VAV3: variants seen among roughly 807,000 people sequenced by gnomAD.
VAV3 encodes vav guanine nucleotide exchange factor 3.
A neutral mutation model predicts 131.2 loss-of-function variants in VAV3; 94 were observed. That is an observed-to-expected ratio of 0.72 (90% CI 0.61 to 0.85). VAV3 has a LOEUF of 0.85. Ranked by LOEUF, VAV3 falls within the 40% of genes least tolerant of loss-of-function variation. VAV3 has a pLI of 0.00. For synonymous variants in VAV3, 349 were observed against 342.0 expected (o/e 1.02, Z -0.22); for missense variants, 939 against 1,002.7 (o/e 0.94, Z 0.86).
At chr1:107,875,191 C>G (rs778479629) in intron 1 of VAV3, among the ~76,000 whole-genome samples, 174 bp from the exon 2 acceptor site, 1 of 152,276 alleles carries the variant, frequency 6.6e-6, no homozygotes, top group Non-Finnish European at 1.5e-5. Flanking sequence ...CTCTCAGGCA[C>G]AGGTGATACA....
At chr1:107,729,933 G>C (rs1161647263) in intron 15 of VAV3, among the ~76,000 whole-genome samples, 6 of 152,190 alleles carry the variant, frequency 3.9e-5, no homozygotes, top group African/African-American at 1.4e-4. Flanking sequence ...TATTCAAAGA[G>C]CCAGCTGCTT....
chr1:107,747,123 G>A (rs1452925392), intron 15 of VAV3, among the ~76,000 whole-genome samples: 1 of 151,934 alleles, frequency 6.6e-6, no homozygotes, highest in Non-Finnish European at 1.5e-5. Context: ...CAGGTGAATT[G>A]CCCACCTCAG....
intron 17 of VAV3, among the ~76,000 whole-genome samples, chr1:107,703,048 A>G (rs1434304569): frequency 2.0e-5 from 3 of 152,136 alleles, no homozygotes; most frequent in African/African-American, 7.2e-5. Context: ...CTCCTACACT[A>G]TTTCCTTTAG....
At chr1:107,771,741 C>T (rs148654278) in intron 5 of VAV3, among the ~76,000 whole-genome samples, 95 of 152,350 alleles carry the variant, frequency 6.2e-4, no homozygotes, top group Non-Finnish European at 1.1e-3. Context: ...TCACTGTTCA[C>T]CCCATCAGCT....
chr1:107,774,901 A>G (rs1163177216), intron 4 of VAV3, among the ~76,000 whole-genome samples: 1 of 132,010 alleles, frequency 7.6e-6, no homozygotes, highest in African/African-American at 2.8e-5. Context: ...ATGTCTAGGG[A>G]TAATACATTT....
At chr1:107,855,896 T>C (rs1669445478) in intron 2 of VAV3, among the ~76,000 whole-genome samples, 1 of 152,202 alleles carries the variant, frequency 6.6e-6, no homozygotes, top group Non-Finnish European at 1.5e-5. Flanking sequence ...TGGAGAAAGC[T>C]GAGAGCACAG....
At chr1:107,861,689 TTGTCTAAGATGAATTATAAA>T (rs1441423683) in intron 2 of VAV3, among the ~76,000 whole-genome samples, 3 of 151,568 alleles carry the variant, frequency 2.0e-5, no homozygotes, top group Non-Finnish European at 4.4e-5. Context: ...ATTGATCATC[TTGTCTAAGATGAATTATAAA>T]TATGCAGCTA....
chr1:107,964,532 T>C, intron 1 of VAV3, 134 bp downstream of exon 1: 1 of 959,686 alleles, frequency 1.0e-6, no homozygotes, highest in Non-Finnish European at 1.5e-6. Context: ...GGTGCCGAAG[T>C]GGTCCCAAAG....
chr1:107,592,471 A>C (rs1252058184), intron 25 of VAV3, among the ~76,000 whole-genome samples: 1 of 152,154 alleles, frequency 6.6e-6, no homozygotes, highest in African/African-American at 2.4e-5. Flanking sequence ...TTATATAAAT[A>C]TAGTGATAGC....
intron 2 of VAV3, among the ~76,000 whole-genome samples, chr1:107,837,865 A>G (rs965379345): frequency 2.6e-5 from 4 of 152,062 alleles, no homozygotes; most frequent in African/African-American, 9.7e-5. Flanking sequence ...ACTCCTACCT[A>G]TCACCATATA....
At chr1:107,786,180 T>C (rs1281780447) in intron 2 of VAV3, among the ~76,000 whole-genome samples, 3 of 152,088 alleles carry the variant, frequency 2.0e-5, no homozygotes, top group Non-Finnish European at 4.4e-5. Flanking sequence ...TTCAAGAGAG[T>C]AGAGTATCTA....
At chr1:107,785,344 G>T in intron 2 of VAV3, 1 of 1,018,444 alleles carries the variant, frequency 9.8e-7, no homozygotes, top group Non-Finnish European at 1.3e-6. Context: ...TTATCTTCTT[G>T]AGTTCTCTAT....
chr1:107,824,825 A>C (rs1667944247), intron 2 of VAV3, among the ~76,000 whole-genome samples: 1 of 152,114 alleles, frequency 6.6e-6, no homozygotes, highest in Admixed American at 6.5e-5. Context: ...GCAGAATCTT[A>C]TTAAGAATTA....
Position 107,642,691 on chromosome 1 carries a change from T to TC in VAV3, c.1841dup (p.Pro615ThrfsTer12). The TC allele has an allele frequency of 6.2e-7, 1 of 1,613,228 alleles. No individual in the cohort carries two copies. ...CCCCGGCCTGGAGCTGTAAAGGGGG[T>TC]CCTTCATGCAGAGCTGGGGGTGGTG... On this transcript the variant is annotated frameshift_variant, in exon 20 of 27. Transcript: ENST00000370056. LOFTEE classifies it high-confidence loss of function.
chr1:107,649,715 A>C (rs993282272), intron 19 of VAV3, among the ~76,000 whole-genome samples: 1 of 152,122 alleles, frequency 6.6e-6, no homozygotes, highest in African/African-American at 2.4e-5. Flanking sequence ...AAAAATGATT[A>C]AGGGCACTTT....
chr1:107,726,700 T>G (rs1661863544), intron 15 of VAV3, among the ~76,000 whole-genome samples: 1 of 152,240 alleles, frequency 6.6e-6, no homozygotes, highest in Admixed American at 6.5e-5. Flanking sequence ...TCGTTTCCTT[T>G]ATTAAGATTT....
intron 3 of VAV3, among the ~76,000 whole-genome samples, chr1:107,778,171 AAGC>A (rs773958448): frequency 2.0e-5 from 3 of 152,240 alleles, no homozygotes; most frequent in Non-Finnish European, 4.4e-5. Flanking sequence ...GTTATATTAA[AAGC>A]AGAGTTTCAC....
intron 15 of VAV3, among the ~76,000 whole-genome samples, chr1:107,731,072 G>A (rs749198607): frequency 3.3e-5 from 5 of 152,094 alleles, no homozygotes; most frequent in Non-Finnish European, 7.4e-5. Flanking sequence ...TGTAAAGCAC[G>A]ATATAACAGC....
chr1:107,944,473 CCT>C (rs1181213957), intron 1 of VAV3, among the ~76,000 whole-genome samples: 1 of 152,152 alleles, frequency 6.6e-6, no homozygotes, highest in African/African-American at 2.4e-5. Flanking sequence ...CCAAAATATA[CCT>C]CTCTTATAAC....
Sources: allele counts gnomAD v4.1 joint callset (sites outside exome capture counted in the v4.1 genomes callset), GRCh38; gene constraint gnomAD v4.1.1; transcripts MANE v1.5; gene names NCBI Gene and HGNC (gene_info 2026-07-23, HGNC 2026-07-21).